RADIL: variants seen among roughly 807,000 people sequenced by gnomAD.
RADIL encodes Rap associating with DIL domain, also known as ras-associating and dilute domain-containing protein.
In RADIL, 99 loss-of-function variants were observed where a neutral mutation model predicts 97.6. That is an observed-to-expected ratio of 1.01 (90% CI 0.86 to 1.20). RADIL has a LOEUF of 1.20. Among genes scored for constraint, RADIL ranks in the 50% most tolerant of loss-of-function variants. RADIL has a pLI of 0.00. For synonymous variants in RADIL, 803 were observed against 691.8 expected, an observed-to-expected ratio of 1.16 and a Z score of -2.52; for missense variants, 1,765 against 1,498.9, an observed-to-expected ratio of 1.18 and a Z score of -2.93.
At chr7:4,852,913 T>A (rs1257466420) in intron 2 of RADIL, among the ~76,000 whole-genome samples, 1 of 152,164 alleles carries the variant, frequency 6.6e-6, no homozygotes, top group Non-Finnish European at 1.5e-5. Flanking sequence ...TTGGGAGGGC[T>A]GGGGCAGATA....
intron 2 of RADIL, among the ~76,000 whole-genome samples, chr7:4,852,591 G>C (rs908202828): frequency 5.9e-5 from 9 of 152,178 alleles, no homozygotes; most frequent in Non-Finnish European, 7.3e-5. Context: ...TGGGAACACA[G>C]GTGTGTGACA....
intron 5 of RADIL, among the ~76,000 whole-genome samples, chr7:4,827,291 G>A (rs1783012372): frequency 6.6e-6 from 1 of 151,540 alleles, no homozygotes. Context: ...CTTGATCCTG[G>A]GAGGCGGAGG....
In RADIL at chr7:4,878,030, C is replaced by T. The variant is rs374024368; in HGVS notation, c.110G>A (p.Arg37Gln). 7.1e-5 allele frequency: 115 copies of T among 1,609,040 alleles called. No homozygotes were observed. The highest frequency in any genetic ancestry group is 8.9e-5 in the East Asian group (4 of 44,704). Residue 37 changes from arginine to glutamine, a missense_variant, in exon 2 of 15, where the codon CGG becomes CAG. By Grantham distance (43) the Arg-to-Gln change is conservative. Transcript: ENST00000399583. This position sits in a 1 kb window ranked among gnomAD's most constrained non-coding sequence, Gnocchi z 4.1. ...MLSRTLSYKYRDLDSTFSSLG... is the reference protein window; with the variant it reads ...MLSRTLSYKYQDLDSTFSSLG... ...GCTGGAGAAGGTGGAGTCCAGGTCC[C>T]GGTACTTGTAGCTCAGCGTCCGGGA...
At chr7:4,875,433 T>C (rs951899358) in intron 2 of RADIL, among the ~76,000 whole-genome samples, 4 of 149,622 alleles carry the variant, frequency 2.7e-5, no homozygotes, top group African/African-American at 7.3e-5. Context: ...GACAAGCTCC[T>C]GTCTCCTGCA....
intron 5 of RADIL, among the ~76,000 whole-genome samples, chr7:4,830,993 C>G (rs1384784608): frequency 2.0e-5 from 3 of 151,502 alleles, no homozygotes; most frequent in African/African-American, 4.9e-5. Context: ...AGCACTCTAG[C>G]CTGGGCGACA....
intron 2 of RADIL, chr7:4,861,873 G>T (rs994897053): frequency 3.8e-6 from 2 of 531,038 alleles, no homozygotes; most frequent in Non-Finnish European, 4.9e-6. Flanking sequence ...GCCGCCGCCC[G>T]GGTCATGATC....
At chr7:4,850,782 C>T (rs1390088878) in intron 2 of RADIL, among the ~76,000 whole-genome samples, 1 of 152,192 alleles carries the variant, frequency 6.6e-6, no homozygotes, top group East Asian at 1.9e-4. Flanking sequence ...CCAGCCGATA[C>T]CTTGAGTGCA....
chr7:4,847,968 G>A (rs903342628), intron 2 of RADIL, among the ~76,000 whole-genome samples: 4 of 152,286 alleles, frequency 2.6e-5, no homozygotes, highest in Admixed American at 6.5e-5. Context: ...GGCCGCAGCA[G>A]GCGGATCGCT....
At chr7:4,850,996 G>T (rs977711877) in intron 2 of RADIL, among the ~76,000 whole-genome samples, 3 of 152,128 alleles carry the variant, frequency 2.0e-5, no homozygotes, top group Admixed American at 6.5e-5. Flanking sequence ...GAGGTCAGGA[G>T]TTCAAGACCA....
rs376852518 is a variant in RADIL at position 4,836,453 on chromosome 7, C to A, written c.688G>T (p.Ala230Ser). 193 of 1,600,616 alleles carry A rather than the reference C, an allele frequency of 1.2e-4. No homozygotes were observed. Among genetic ancestry groups the A allele is most frequent in the Non-Finnish European group, 1.6e-4 (190 of 1,174,072 alleles). ...GGGCCGGGCTCCTCGGGGCCCTGGG[C>A]GGCAGCGGGCAGGGCGTTCACTGGG... ...LSPVNALPAA[A>S]QGPEEPGPDA... The change falls in exon 3 of 15, where the codon GCC becomes TCC. Residue 230 changes from alanine (A) to serine (S), a missense_variant. Transcript: ENST00000399583.
intron 4 of RADIL, among the ~76,000 whole-genome samples, chr7:4,832,736 C>T (rs1164563286): frequency 2.6e-5 from 3 of 116,004 alleles, no homozygotes; most frequent in Non-Finnish European, 5.1e-5. Flanking sequence ...GAGACTCCGT[C>T]TCAGCAAAAA....
At position 4,817,261 on chromosome 7, in the gene RADIL, T is replaced by C; in HGVS notation, c.1706A>G (p.Gln569Arg). ...LEEVVLYAFQQCVYYVSKSLY... is the reference protein window; with the variant it reads ...LEEVVLYAFQRCVYYVSKSLY... Reference sequence around the variant, plus strand: ...CACCTTGGAGACATAGTAGACGCACTGCTGGAAGGCGTACAGCACCACCTC... The same window carrying C: ...CACCTTGGAGACATAGTAGACGCACCGCTGGAAGGCGTACAGCACCACCTC... The change falls in exon 7 of 15, where the codon CAG (glutamine) becomes CGG (arginine). Residue 569 changes from glutamine to arginine, a missense_variant. Coordinates refer to ENST00000399583, the MANE Select transcript of RADIL (RefSeq NM_018059.5). This position sits in a 1 kb window ranked among gnomAD's most constrained non-coding sequence, Gnocchi z 8.3. 6.2e-7 allele frequency: 1 copy of C among 1,612,464 alleles called. No homozygotes were observed. Among genetic ancestry groups the C allele is most frequent in the Non-Finnish European group, 8.5e-7 (1 of 1,179,526 alleles).
chr7:4,808,905 C>T, intron 9 of RADIL: 1 of 911,524 alleles, frequency 1.1e-6, no homozygotes, highest in South Asian at 5.5e-5. Flanking sequence ...GTTCCGACGC[C>T]ACTGCCCCCC....
At chr7:4,809,452 C>T in intron 9 of RADIL, 2 of 985,444 alleles carry the variant, frequency 2.0e-6, no homozygotes, top group Non-Finnish European at 2.4e-6. Flanking sequence ...CTGACACGCA[C>T]AAGCCAACGA....
chr7:4,882,088 A>C (rs1255583424), intron 1 of RADIL: 2 of 150,208 alleles, frequency 1.3e-5, no homozygotes, highest in African/African-American at 5.0e-5. Context: ...TTAAGCCCCC[A>C]GAAGTCCCTG....
intron 2 of RADIL, chr7:4,861,171 G>C (rs1287820951): frequency 6.2e-7 from 1 of 1,614,242 alleles, no homozygotes; most frequent in Admixed American, 1.7e-5. Context: ...TTTGGCACTA[G>C]ATGTAAAATT....
At chr7:4,805,264 G>A (rs1283005453) in intron 10 of RADIL, 1 of 383,986 alleles carries the variant, frequency 2.6e-6, no homozygotes, top group African/African-American at 2.0e-5. Context: ...CCATACAACA[G>A]GGGAGGCCCC....
At chr7:4,845,443 G>C (rs1296000157) in intron 2 of RADIL, among the ~76,000 whole-genome samples, 1 of 152,052 alleles carries the variant, frequency 6.6e-6, no homozygotes, top group African/African-American at 2.4e-5. Context: ...GAAAATGAAG[G>C]CATATTCTGA....
rs1782830460 is a variant in RADIL at position 4,821,502 on chromosome 7, C to T, written c.1615+892G>A. Among the ~76,000 whole-genome samples the T allele has an allele frequency of 6.6e-6, 1 of 152,196 alleles. No individual in the cohort carries two copies. Among genetic ancestry groups the T allele is most frequent in the African/African-American group, 2.4e-5 (1 of 41,442 alleles). On this transcript the variant is annotated intron_variant, in intron 6 of 14. Transcript: ENST00000399583. The surrounding 1 kb of genome is among the most constrained non-coding windows in gnomAD (Gnocchi z 5.2). ...CCCATGCCACCTTCCTCTCGAAGCC[C>T]CCTAGACTGCCCCGATGGAATCCCT...
Sources: gnomAD v4.1 joint callset for allele counts (sites outside exome capture counted in the v4.1 genomes callset) on GRCh38, gnomAD v4.1.1 for gene constraint, Gnocchi (gnomAD v3.1) non-coding constraint, MANE v1.5 for transcripts, NCBI Gene and HGNC (gene_info 2026-07-23, HGNC 2026-07-21) for gene names.